The following DNAH8 variants were observed in gnomAD, a reference collection of about 807,000 sequenced individuals.
DNAH8 encodes axonemal beta dynein heavy chain 8.
Under a neutral mutation model 562.1 loss-of-function variants are expected in DNAH8, and 382 were observed. The observed-to-expected ratio is 0.68, with a 90% CI of 0.63 to 0.74. The LOEUF is 0.74. DNAH8 is among the 30% of genes least tolerant of loss of function. The probability of loss-of-function intolerance (pLI) is 0.00; values close to 1 mark genes in which losing one functional copy is unlikely to be tolerated. For missense variants in DNAH8, 5,203 were observed against 5,620.4 expected (o/e 0.93, Z 2.37); for synonymous variants, 1,881 against 1,919.4 (o/e 0.98, Z 0.52).
Position 38,857,504 on chromosome 6 carries a change from T to G in DNAH8, c.5734-14T>G. 1 of 1,566,008 alleles carries G rather than the reference T, an allele frequency of 6.4e-7. No individual in the cohort carries two copies. The highest frequency in any genetic ancestry group is 8.7e-7 in the Non-Finnish European group (1 of 1,149,058). On this transcript the variant is annotated splice_polypyrimidine_tract_variant and intron_variant, in intron 41 of 92. Transcript: ENST00000327475. ...TATTTGGCAAATTTTAATATTTTTC[T>G]GCTGGATCTGTAGGTTGGACTTCTG...
At position 38,782,996 on chromosome 6, in the gene DNAH8, A is replaced by T. The variant is rs773318509; in HGVS notation, c.2260-8A>T. On this transcript the variant is annotated splice_region_variant and splice_polypyrimidine_tract_variant and intron_variant, in intron 16 of 92. Transcript: ENST00000327475. ...TTTTAAAGTAAATCTTTTCCCTTAA[A>T]AAAACAGAAAAACTCAGACATTTTA... 2.5e-6 allele frequency: 4 copies of T among 1,608,484 alleles called. No individual in the cohort carries two copies. Among genetic ancestry groups the T allele is most frequent in the South Asian group, 2.2e-5 (2 of 89,512 alleles).
intron 91 of DNAH8, among the ~76,000 whole-genome samples, chr6:39,016,703 A>G (rs1766595731): frequency 6.6e-6 from 1 of 152,212 alleles, no homozygotes; most frequent in African/African-American, 2.4e-5. Context: ...GGCTTTATTC[A>G]CGTGTGATTG....
rs1783194321 is a variant in DNAH8, at chr6:38,938,811, C to A, written c.11830C>A (p.Pro3944Thr). ...DQSMARSEKSPLPQKRITNII... is the reference protein window; with the variant it reads ...DQSMARSEKSTLPQKRITNII... ...AATGTGTTTCAGATCTGAAAAGTCA[C>A]CACTACCTCAAAAGAGAATTACAAA... The change falls in exon 79 of 93, where the codon CCA (proline) becomes ACA (threonine). Residue 3944 changes from proline (P) to threonine (T), a missense_variant. Coordinates refer to ENST00000327475, the MANE Select transcript of DNAH8 (RefSeq NM_001206927.2). The A allele has an allele frequency of 6.2e-7, 1 of 1,604,716 alleles. No homozygotes were observed. The highest frequency in any genetic ancestry group is 1.3e-5 in the African/African-American group (1 of 74,626).
chr6:38,974,478 C>A lies in DNAH8; in HGVS notation c.12783C>A (p.Pro4261=). The change falls in exon 85 of 93, where the codon CCC becomes CCA. Residue 4261 remains proline, a synonymous_variant. Coordinates refer to ENST00000327475, the MANE Select transcript of DNAH8 (RefSeq NM_001206927.2). ...ACCTTCTGGACATCAGTAATTTACC[C>A]ATGTGGAAGCCGATGCTTTACACAG... ...NQDLLDISNL[P]MWKPMLYTVA... is the part of the protein sequence containing the mutation. The A allele has an allele frequency of 6.2e-7, 1 of 1,613,428 alleles. No homozygotes were observed. The highest frequency in any genetic ancestry group is 1.1e-5 in the South Asian group (1 of 91,064).
intron 16 of DNAH8, among the ~76,000 whole-genome samples, chr6:38,782,394 C>T (rs1768714776): frequency 6.6e-6 from 1 of 152,086 alleles, no homozygotes. Flanking sequence ...AATTCTCCTG[C>T]CTCAGCCTCT....
At position 39,030,437 on chromosome 6, in the gene DNAH8, C is replaced by T; in HGVS notation, c.*45C>T. On this transcript the variant is annotated 3_prime_UTR_variant, in exon 93 of 93. Coordinates refer to ENST00000327475, the MANE Select transcript of DNAH8 (RefSeq NM_001206927.2). ...GGGCACCAGAACCCACATAGACAGC[C>T]TGTGCTATTGAGGGACTCAGTGATG... 6.5e-7 allele frequency: 1 copy of T among 1,550,054 alleles called. No homozygotes were observed. The highest frequency in any genetic ancestry group is 2.2e-5 in the East Asian group (1 of 44,458).
At chr6:39,016,665 A>G (rs1156791633) in intron 91 of DNAH8, among the ~76,000 whole-genome samples, 2 of 152,236 alleles carry the variant, frequency 1.3e-5, no homozygotes, top group Admixed American at 1.3e-4. Flanking sequence ...CACCTGGACC[A>G]TAAGGAAGAC....
chr6:38,816,072 AT>A (rs1772242662), intron 26 of DNAH8, among the ~76,000 whole-genome samples: 1 of 151,388 alleles, frequency 6.6e-6, no homozygotes. Context: ...GTTTTATTTT[AT>A]TTTATTTTAT....
At chr6:38,951,061 G>A (rs1162503685) in intron 81 of DNAH8, among the ~76,000 whole-genome samples, 1 of 152,192 alleles carries the variant, frequency 6.6e-6, no homozygotes, top group African/African-American at 2.4e-5. Context: ...CCTACCATGT[G>A]TTGGAGCTGG....
At position 38,954,720 on chromosome 6, in the gene DNAH8, A is replaced by T. The variant is rs1264289727; in HGVS notation, c.12451+3200A>T. 8.1e-3 allele frequency among the ~76,000 whole-genome samples: 10 copies of T among 1,232 alleles called. 5 individuals are homozygous for T. Among genetic ancestry groups the T allele is most frequent in the Admixed American group, 0.026 (4 of 156 alleles). 0.8% of individuals were successfully genotyped at this position (1,232 alleles called of 152,430 possible). A position where few individuals can be genotyped will look rare whatever the true frequency, so the allele number is the denominator to read the frequency against. On this transcript the variant is annotated intron_variant, in intron 82 of 92. Transcript: ENST00000327475. ...TCCGTCTCAAAAAAAAAAAAAAAAA[A>T]AAAAAAAATAAATTACAGCATCTCA...
At chr6:38,759,676 C>G (rs1325104877) in intron 10 of DNAH8, among the ~76,000 whole-genome samples, 1 of 152,066 alleles carries the variant, frequency 6.6e-6, no homozygotes, top group Non-Finnish European at 1.5e-5. Context: ...CAAGAACCCC[C>G]CATTCTTGAT....
At chr6:38,981,916 G>A (rs1412263) in intron 85 of DNAH8, among the ~76,000 whole-genome samples, 37,068 of 152,148 alleles carry the variant, frequency 0.24, 5,582 homozygotes, top group Non-Finnish European at 0.34. Flanking sequence ...TTGCATATAC[G>A]GTGGTGGTCC....
At chr6:38,792,230 G>C (rs1461628967) in intron 21 of DNAH8, among the ~76,000 whole-genome samples, 2 of 152,076 alleles carry the variant, frequency 1.3e-5, no homozygotes, top group Non-Finnish European at 2.9e-5. Flanking sequence ...TGGGATTACA[G>C]GCCTGTACCA....
chr6:38,917,795 T>A (rs1304442917), intron 69 of DNAH8, 130 bp from the exon 70 acceptor site: 14 of 662,126 alleles, frequency 2.1e-5, no homozygotes, highest in Non-Finnish European at 3.4e-5. Context: ...CTACTGCCAA[T>A]AGTCTCAATT....
chr6:38,845,439 C>A, intron 35 of DNAH8, 135 bp from the exon 36 acceptor site: 1 of 643,742 alleles, frequency 1.6e-6, no homozygotes, highest in Non-Finnish European at 2.7e-6. Flanking sequence ...GAAGCCTTTT[C>A]TTGGCTGTAA....
Position 39,026,616 on chromosome 6 carries a change from C to G in DNAH8, c.13785C>G (p.Ile4595Met). 6.2e-7 allele frequency: 1 copy of G among 1,613,538 alleles called. No homozygotes were observed. Among genetic ancestry groups the G allele is most frequent in the South Asian group, 1.1e-5 (1 of 91,062 alleles). Residue 4595 changes from isoleucine (I) to methionine (M), a missense_variant, in exon 92 of 93, where the codon ATC becomes ATG. Coordinates refer to ENST00000327475, the MANE Select transcript of DNAH8 (RefSeq NM_001206927.2). ...HKGWALDTVT[I>M]HNEVLRQTKE... is the part of the protein sequence containing the mutation. ...GCTGGGCACTGGACACTGTGACCATCCACAATGAAGTTCTGAGACAGACCA... is the reference window on the plus strand; with the variant it reads ...GCTGGGCACTGGACACTGTGACCATGCACAATGAAGTTCTGAGACAGACCA...
At chr6:38,928,328 A>G (rs1015504658) in intron 74 of DNAH8, among the ~76,000 whole-genome samples, 1 of 152,244 alleles carries the variant, frequency 6.6e-6, no homozygotes, top group Admixed American at 6.5e-5. Flanking sequence ...TGGGAAAGAT[A>G]TCACAAAAAT....
chr6:38,842,382 T>G lies in DNAH8; in HGVS notation c.4481T>G (p.Leu1494Trp). 6 of 1,602,748 alleles carry G rather than the reference T, an allele frequency of 3.7e-6. No homozygotes were observed. Among genetic ancestry groups the G allele is most frequent in the Non-Finnish European group, 5.1e-6 (6 of 1,176,302 alleles). The change falls in exon 34 of 93, where the codon TTG becomes TGG. Residue 1494 changes from leucine (L) to tryptophan (W), a missense_variant. Leu to Trp is a moderately conservative substitution (Grantham distance 61). This residue lies in a region of DNAH8 where 2,176 missense variants were observed against 2,365.1 expected (regional missense o/e 0.92). Coordinates refer to ENST00000327475, the MANE Select transcript of DNAH8 (RefSeq NM_001206927.2). ...VLHKTRKELN[L>W]LQKLYGLYDT... ...TTGTTTCCCAGAAAAGAACTCAACT[T>G]GCTGCAGAAGCTGTATGGATTGTAT...
Position 38,722,811 on chromosome 6 carries a change from TGGA to T in DNAH8, c.4_6del (p.Glu2?). The T allele has an allele frequency of 6.3e-7, 1 of 1,579,990 alleles. No individual in the cohort carries two copies. The highest frequency in any genetic ancestry group is 8.6e-7 in the Non-Finnish European group (1 of 1,165,090). ...ATAAAGCATTCCGCACGACGGGGGA[TGGA>T]GAAGGATGCTGAAGATGGCGCCCCT... On this transcript the variant is annotated start_lost and inframe_deletion, in exon 2 of 93. Coordinates refer to ENST00000327475, the MANE Select transcript of DNAH8 (RefSeq NM_001206927.2).
Sources: allele counts gnomAD v4.1 joint callset (sites outside exome capture counted in the v4.1 genomes callset), GRCh38; gene constraint gnomAD v4.1.1; regional missense constraint gnomAD v4.1.1; transcripts MANE v1.5; gene names NCBI Gene and HGNC (gene_info 2026-07-23, HGNC 2026-07-21).